The following RBFOX1 variants were observed in gnomAD, a reference collection of about 807,000 sequenced individuals.
The protein encoded by RBFOX1 is RNA binding protein fox-1 homolog 1.
In RBFOX1, 8 loss-of-function variants were observed where a neutral mutation model predicts 57.7. The observed-to-expected ratio is 0.14, with a 90% confidence interval of 0.08 to 0.25. The LOEUF (loss-of-function observed/expected upper bound fraction) is 0.25. RBFOX1 is among the 10% of genes least tolerant of loss of function. The pLI, the probability that RBFOX1 is intolerant of heterozygous loss-of-function variation, is 1.00. For missense variants in RBFOX1, 611 were observed against 548.5 expected, an observed-to-expected ratio of 1.11 and a Z score of -1.14; for synonymous variants, 326 against 222.4, an observed-to-expected ratio of 1.47 and a Z score of -4.15.
intron 3 of RBFOX1, among the ~76,000 whole-genome samples, chr16:7,019,101 T>C (rs1431328288): frequency 1.3e-5 from 2 of 152,132 alleles, no homozygotes; most frequent in Non-Finnish European, 2.9e-5. Flanking sequence ...TGTGTGTGTA[T>C]GTGTAAAGAC....
chr16:5,293,296 C>T (rs2063579514), intron 1 of RBFOX1, among the ~76,000 whole-genome samples: 1 of 152,116 alleles, frequency 6.6e-6, no homozygotes, highest in Admixed American at 6.5e-5. Flanking sequence ...TATTAGCTGG[C>T]TGAAGATAAA....
intron 3 of RBFOX1, among the ~76,000 whole-genome samples, chr16:6,720,892 A>C (rs2065862532): frequency 6.6e-6 from 1 of 152,118 alleles, no homozygotes; most frequent in Non-Finnish European, 1.5e-5. Context: ...CATCCATTTT[A>C]CCTTAACATG....
At chr16:6,383,095 C>A (rs978211347) in intron 2 of RBFOX1, among the ~76,000 whole-genome samples, 32 of 152,182 alleles carry the variant, frequency 2.1e-4, no homozygotes, top group Non-Finnish European at 1.5e-5. Context: ...CTGACATGTG[C>A]TAGCAAATTC....
chr16:6,838,295 T>C (rs1275909698), intron 3 of RBFOX1, among the ~76,000 whole-genome samples: 1 of 152,166 alleles, frequency 6.6e-6, no homozygotes, highest in Non-Finnish European at 1.5e-5. Flanking sequence ...TTTCTGTTCC[T>C]GTGATGGTTT....
At chr16:7,138,667 G>A (rs1033349751) in intron 4 of RBFOX1, among the ~76,000 whole-genome samples, 1 of 152,152 alleles carries the variant, frequency 6.6e-6, no homozygotes, top group Non-Finnish European at 1.5e-5. Context: ...AGGGGATGGG[G>A]AGGACCTGCC....
intron 3 of RBFOX1, among the ~76,000 whole-genome samples, chr16:5,773,569 T>C (rs1308848354): frequency 6.6e-6 from 1 of 152,242 alleles, no homozygotes; most frequent in African/African-American, 2.4e-5. Context: ...GTTTTCAGTT[T>C]ATTTTTCCCA....
chr16:6,084,026 A>G (rs1893275781), intron 1 of RBFOX1, among the ~76,000 whole-genome samples: 1 of 152,152 alleles, frequency 6.6e-6, no homozygotes, highest in Non-Finnish European at 1.5e-5. Flanking sequence ...GTAGAGTATA[A>G]CGGTTAAAGA....
intron 3 of RBFOX1, among the ~76,000 whole-genome samples, chr16:6,671,599 C>T (rs8047931): frequency 0.58 from 88,824 of 151,868 alleles, 26,267 homozygotes; most frequent in African/African-American, 0.64. Flanking sequence ...TTGTAGTTTT[C>T]TATCCCTCAC....
intron 3 of RBFOX1, among the ~76,000 whole-genome samples, chr16:5,841,197 T>C (rs2056613837): frequency 1.3e-5 from 2 of 152,176 alleles, no homozygotes; most frequent in South Asian, 4.1e-4. Context: ...GGTACTGTTA[T>C]CACCACCAAT....
chr16:6,304,217 G>A (rs2079174615), intron 1 of RBFOX1, among the ~76,000 whole-genome samples: 3 of 151,890 alleles, frequency 2.0e-5, no homozygotes, highest in African/African-American at 7.2e-5. Flanking sequence ...GAACCCAAGA[G>A]GCGGAGATTG....
intron 2 of RBFOX1, among the ~76,000 whole-genome samples, chr16:6,493,440 G>A (rs1228362802): frequency 6.6e-6 from 1 of 152,140 alleles, no homozygotes; most frequent in Non-Finnish European, 1.5e-5. Flanking sequence ...CCTCCCAGCT[G>A]TGTGTGTTTG....
At chr16:5,409,594 C>T (rs138746609) in intron 1 of RBFOX1, among the ~76,000 whole-genome samples, 1 of 152,288 alleles carries the variant, frequency 6.6e-6, no homozygotes, top group East Asian at 1.9e-4. Flanking sequence ...ATGTGCCAGG[C>T]ATGTTCTAGG....
In RBFOX1 at chr16:6,851,778, G is replaced by A. The variant is rs2094080778; in HGVS notation, c.-16+197128G>A. ...TCACAGGCAGAAGGACTGGCAGGTG[G>A]CACCCGGACCCTTAACTCCTTCCTC... On this transcript the variant is annotated intron_variant, in intron 3 of 15. Coordinates refer to ENST00000550418, the MANE Select transcript of RBFOX1 (RefSeq NM_018723.4). Among the ~76,000 whole-genome samples, 3 of 152,246 alleles carry A rather than the reference G, an allele frequency of 2.0e-5. No homozygotes were observed. In the South Asian group the frequency reaches 6.2e-4, roughly 32 times the overall value.
chr16:7,710,339 A>G (rs2083799439), intron 15 of RBFOX1: 1 of 1,255,236 alleles, frequency 8.0e-7, no homozygotes, highest in Non-Finnish European at 1.0e-6. Context: ...TAAAAAAATG[A>G]GACAGTGAAA....
intron 2 of RBFOX1, among the ~76,000 whole-genome samples, chr16:6,581,323 A>C: frequency 6.6e-6 from 1 of 152,176 alleles, no homozygotes; most frequent in Admixed American, 6.5e-5. Flanking sequence ...GTGAAGCATG[A>C]ACCCAGCACC....
At chr16:7,152,347 T>A (rs1252938406) in intron 4 of RBFOX1, among the ~76,000 whole-genome samples, 1 of 152,160 alleles carries the variant, frequency 6.6e-6, no homozygotes, top group African/African-American at 2.4e-5. Context: ...TGGACAAAAA[T>A]TAAATTATAA....
intron 2 of RBFOX1, among the ~76,000 whole-genome samples, chr16:5,564,064 AG>A (rs1230789689): frequency 6.6e-6 from 1 of 152,044 alleles, no homozygotes; most frequent in Non-Finnish European, 1.5e-5. Context: ...CCCAGGCTGG[AG>A]TGCAGTGGTG....
intron 2 of RBFOX1, among the ~76,000 whole-genome samples, chr16:6,523,185 C>G (rs2096532115): frequency 6.6e-6 from 1 of 152,108 alleles, no homozygotes; most frequent in Non-Finnish European, 1.5e-5. Context: ...TTACTCATCT[C>G]TCTCTTCTCA....
At chr16:5,309,753 A>C (rs1226248275) in intron 1 of RBFOX1, among the ~76,000 whole-genome samples, 1 of 152,232 alleles carries the variant, frequency 6.6e-6, no homozygotes, top group South Asian at 2.1e-4. Context: ...ATAAGGAATG[A>C]AATCCAAGGG....
Sources: allele counts gnomAD v4.1 joint callset (sites outside exome capture counted in the v4.1 genomes callset), GRCh38; gene constraint gnomAD v4.1.1; transcripts MANE v1.5; gene names NCBI Gene and HGNC (gene_info 2026-07-23, HGNC 2026-07-21).